Variants in ASIC4 observed in about 807,000 individuals in gnomAD.
The protein encoded by ASIC4 is acid sensing ion channel subunit family member 4.
In ASIC4, 28 loss-of-function variants were observed where a neutral mutation model predicts 53.4. The ratio of observed to expected loss-of-function variants is 0.52; its 90% CI spans 0.39 to 0.72. The LOEUF (loss-of-function observed/expected upper bound fraction) is 0.72, where lower values mean the gene tolerates loss of function less well. ASIC4 is among the 30% of genes least tolerant of loss of function. The probability of loss-of-function intolerance (pLI) is 0.00; values close to 1 mark genes in which losing one functional copy is unlikely to be tolerated. For missense variants in ASIC4, 649 were observed against 729.7 expected, an observed-to-expected ratio of 0.89 and a Z score of 1.27; for synonymous variants, 289 against 301.4, an observed-to-expected ratio of 0.96 and a Z score of 0.43.
Position 219,537,246 on chromosome 2 carries a change from C to A in ASIC4, c.1326C>A (p.Asp442Glu). 2 of 1,613,566 alleles carry A rather than the reference C, an allele frequency of 1.2e-6. No homozygotes were observed. Among genetic ancestry groups the A allele is most frequent in the Non-Finnish European group, 1.7e-6 (2 of 1,179,714 alleles). ...AAYGLSALLG[D>E]LGGQMGLFIG... is the part of the protein sequence containing the mutation. Reference sequence around the variant, plus strand: ...CACTGCTCTCCTGCTTCCCAGGAGACCTCGGGGGACAGATGGGCCTGTTCA... The same window carrying A: ...CACTGCTCTCCTGCTTCCCAGGAGAACTCGGGGGACAGATGGGCCTGTTCA... Residue 442 changes from aspartate to glutamate, a missense_variant, in exon 8 of 10, where the codon GAC becomes GAA. By Grantham distance (45) the Asp-to-Glu change is conservative. Transcript: ENST00000358078. This position sits in a 1 kb window ranked among gnomAD's most constrained non-coding sequence, Gnocchi z 4.9.
At chr2:219,508,891 G>A in the ASIC4 span, among the ~76,000 whole-genome samples, 1 of 132,404 alleles carries the variant, frequency 7.6e-6, no homozygotes, top group African/African-American at 2.8e-5. Flanking sequence ...AGATTATTCT[G>A]TAAAATCAGC....
rs866729813 is a variant in ASIC4 at position 219,522,768 on chromosome 2, C to T, written c.582+7462C>T. Among the ~76,000 whole-genome samples the T allele has an allele frequency of 1.8e-3, 272 of 152,210 alleles. 2 individuals carry two copies. The highest frequency in any genetic ancestry group is 6.3e-3 in the African/African-American group (261 of 41,540). ...GCCGCGGGGGCGGGCGGCGGTGTTT[C>T]CCTCCGCGGTGGAAGCCTCTGGCGC... On this transcript the variant is annotated intron_variant, in intron 1 of 9. Transcript: ENST00000358078.
the ASIC4 span, among the ~76,000 whole-genome samples, chr2:219,508,881 A>G: frequency 3.5e-4 from 46 of 131,396 alleles, 1 homozygote; most frequent in South Asian, 0.011. Flanking sequence ...TTCCATAAAA[A>G]GATTATTCTG....
chr2:219,507,161 T>C, the ASIC4 span, among the ~76,000 whole-genome samples: 1 of 152,108 alleles, frequency 6.6e-6, no homozygotes, highest in Non-Finnish European at 1.5e-5. Flanking sequence ...CTCGTGCTGC[T>C]CGGGAGGAAG....
upstream of ASIC4, among the ~76,000 whole-genome samples, chr2:219,510,764 G>C (rs141523578): frequency 0.016 from 2,453 of 152,236 alleles, 46 homozygotes; most frequent in African/African-American, 0.043. This position sits in a 1 kb window ranked among gnomAD's most constrained non-coding sequence, Gnocchi z 5.2. Context: ...AAGGAGTACT[G>C]GCGGACAGTG....
rs1695163979 is a variant in ASIC4 at position 219,537,596 on chromosome 2, C to A, written c.1402-36C>A. ...TCACGCTTCTCCTCAACCAAATTTC[C>A]TGAGCCCACTGCTGTCCCCGACCCT... On this transcript the variant is annotated intron_variant, in intron 8 of 9. Transcript: ENST00000358078. The surrounding 1 kb of genome is among the most constrained non-coding windows in gnomAD (Gnocchi z 4.9). 1.3e-6 allele frequency: 2 copies of A among 1,570,634 alleles called. No homozygotes were observed. Among genetic ancestry groups the A allele is most frequent in the Non-Finnish European group, 1.7e-6 (2 of 1,153,684 alleles).
At chr2:219,513,411 T>G (rs1449516655), upstream of ASIC4, among the ~76,000 whole-genome samples, 1 of 149,780 alleles carries the variant, frequency 6.7e-6, no homozygotes, top group Non-Finnish European at 1.5e-5. Context: ...CCCACATGCC[T>G]GTTCCCCTCC....
upstream of ASIC4, among the ~76,000 whole-genome samples, chr2:219,513,583 C>A (rs1694729500): frequency 6.6e-6 from 1 of 152,230 alleles, no homozygotes; most frequent in Non-Finnish European, 1.5e-5. Context: ...CCATTGCATG[C>A]CCTGTCCCCC....
Position 219,514,848 on chromosome 2 carries a change from C to A in ASIC4, c.124C>A (p.Leu42Met). 1 of 1,613,128 alleles carries A rather than the reference C, an allele frequency of 6.2e-7. No homozygotes were observed. ...AVAPGAAPRDLATFASTSTLH... is the reference protein window; with the variant it reads ...AVAPGAAPRDMATFASTSTLH... ...TGCCCCTGGAGCAGCCCCCCGAGAC[C>A]TGGCCACCTTTGCCAGCACCAGCAC... is the stretch of plus-strand genomic sequence containing the variant. Residue 42 changes from leucine (L) to methionine (M), a missense_variant, in exon 1 of 10, where the codon CTG becomes ATG. Coordinates refer to ENST00000358078, the MANE Select transcript of ASIC4 (RefSeq NM_018674.6).
intron 1 of ASIC4, among the ~76,000 whole-genome samples, chr2:219,525,338 C>G (rs1196144387): frequency 6.6e-6 from 1 of 152,232 alleles, no homozygotes; most frequent in Non-Finnish European, 1.5e-5. Flanking sequence ...TCTGTCTCTA[C>G]TTGACACATG....
At position 219,515,341 on chromosome 2, in the gene ASIC4, T is replaced by C. The variant is rs113008280; in HGVS notation, c.582+35T>C. ...GCCAGCTGGGCTGCCTGGCCTTGGA[T>C]GGCCGGAGGCTGGGGAGTGGGGAGG... On this transcript the variant is annotated intron_variant, in intron 1 of 9. Transcript: ENST00000358078. 12 of 1,583,444 alleles carry C rather than the reference T, an allele frequency of 7.6e-6. No homozygotes were observed. The East Asian group carries it at 2.2e-4, about 30-fold the overall frequency.
upstream of ASIC4, chr2:219,514,348 T>TGAGCG (rs1694741072): frequency 6.5e-7 from 1 of 1,545,654 alleles, no homozygotes. Context: ...GAGCACATGC[T>TGAGCG]GAGCGGAGCG....
At chr2:219,522,748 G>T (rs1344049897) in intron 1 of ASIC4, among the ~76,000 whole-genome samples, 1 of 152,034 alleles carries the variant, frequency 6.6e-6, no homozygotes, top group Non-Finnish European at 1.5e-5. Flanking sequence ...CGGCCGCCGC[G>T]GGGGCGGGCG....
upstream of ASIC4, among the ~76,000 whole-genome samples, chr2:219,510,143 TC>T (rs1694682758): frequency 6.6e-6 from 1 of 151,918 alleles, no homozygotes; most frequent in Non-Finnish European, 1.5e-5. This position sits in a 1 kb window ranked among gnomAD's most constrained non-coding sequence, Gnocchi z 5.2. Flanking sequence ...CCCTCACTTT[TC>T]CCACTTATCT....
In ASIC4 at chr2:219,538,157, G is replaced by A. The variant is rs557569007; in HGVS notation, c.*111G>A. The A allele has an allele frequency of 2.3e-5, 21 of 912,684 alleles. No homozygotes were observed. The South Asian group carries it at 2.7e-4, about 12-fold the overall frequency. The allele number at this position is 912,684 out of a possible 1,614,324, so 56.5% of individuals were successfully genotyped here. ...GGGGCGGTGCTCACTGGGAGGGCCAGGACTCAGTTCCTGCTCTCATCCTCC... is the reference window on the plus strand; with the variant it reads ...GGGGCGGTGCTCACTGGGAGGGCCAAGACTCAGTTCCTGCTCTCATCCTCC... On this transcript the variant is annotated 3_prime_UTR_variant, in exon 10 of 10. Transcript: ENST00000358078.
Position 219,532,438 on chromosome 2 carries a change from G to C in ASIC4, c.979G>C (p.Val327Leu). 1 of 1,613,750 alleles carries C rather than the reference G, an allele frequency of 6.2e-7. No homozygotes were observed. Among genetic ancestry groups the C allele is most frequent in the Non-Finnish European group, 8.5e-7 (1 of 1,179,802 alleles). ...ACRLRCEKEA[V>L]LQRCHCRMVH... ...CCGGCTGCGCTGTGAAAAGGAGGCCGTGCTTCAGCGCTGCCACTGCCGGAT... is the reference window on the plus strand; with the variant it reads ...CCGGCTGCGCTGTGAAAAGGAGGCCCTGCTTCAGCGCTGCCACTGCCGGAT... Residue 327 changes from valine to leucine, a missense_variant, in exon 4 of 10, where the codon GTG (valine) becomes CTG (leucine). Coordinates refer to ENST00000358078, the MANE Select transcript of ASIC4 (RefSeq NM_018674.6).
Position 219,531,870 on chromosome 2 carries a change from A to C in ASIC4, c.695A>C (p.Gln232Pro). 1 of 1,613,132 alleles carries C rather than the reference A, an allele frequency of 6.2e-7. No homozygotes were observed. The highest frequency in any genetic ancestry group is 8.5e-7 in the Non-Finnish European group (1 of 1,179,470). ...CTGGAGATCATGCTGGACATCCAGC[A>C]GGAGGAGTACCTGCCCATCTGGAGG... ...SGLEIMLDIQQEEYLPIWRET... is the reference protein window; with the variant it reads ...SGLEIMLDIQPEEYLPIWRET... The change falls in exon 2 of 10, where the codon CAG becomes CCG. Residue 232 changes from glutamine (Q) to proline (P), a missense_variant. By Grantham distance (76) the Gln-to-Pro change is moderately conservative. Transcript: ENST00000358078.
chr2:219,533,054 T>G, intron 5 of ASIC4, 115 bp downstream of exon 5: 1 of 1,199,678 alleles, frequency 8.3e-7, no homozygotes, highest in Non-Finnish European at 1.2e-6. Flanking sequence ...GGGTTCTTCC[T>G]GGGGGTTGAG....
chr2:219,535,067 G>T, intron 5 of ASIC4, 104 bp from the exon 6 acceptor site: 1 of 1,480,932 alleles, frequency 6.8e-7, no homozygotes, highest in Non-Finnish European at 9.0e-7. Flanking sequence ...CTCAGTGTGG[G>T]TGTGCCTGCC....
Sources: gnomAD v4.1 joint callset for allele counts (sites outside exome capture counted in the v4.1 genomes callset) on GRCh38, gnomAD v4.1.1 for gene constraint, Gnocchi (gnomAD v3.1) non-coding constraint, MANE v1.5 for transcripts, NCBI Gene and HGNC (gene_info 2026-07-23, HGNC 2026-07-21) for gene names.